Variants in CDC42SE2 observed in about 807,000 individuals in gnomAD.
CDC42SE2 encodes CDC42 small effector 2.
Under a neutral mutation model 11.5 loss-of-function variants are expected in CDC42SE2, and 3 were observed. The observed-to-expected ratio is 0.26, with a 90% CI of 0.12 to 0.67. The LOEUF is 0.67. CDC42SE2 is among the 30% of genes least tolerant of loss of function. CDC42SE2 has a pLI of 0.80. For synonymous variants in CDC42SE2, 33 were observed against 34.8 expected (o/e 0.95, Z 0.18); for missense variants, 82 against 106.8 (o/e 0.77, Z 1.02).
At chr5:131,354,289 CA>C (rs2149766061) in intron 2 of CDC42SE2, among the ~76,000 whole-genome samples, 2 of 152,152 alleles carry the variant, frequency 1.3e-5, no homozygotes, top group South Asian at 4.2e-4. Flanking sequence ...TATTATTTAA[CA>C]AATAATTATA....
the CDC42SE2 span, among the ~76,000 whole-genome samples, chr5:131,217,921 TCTC>T: frequency 6.6e-6 from 1 of 152,142 alleles, no homozygotes; most frequent in African/African-American, 2.4e-5. Flanking sequence ...ACACCTGTAA[TCTC>T]AGCACTTTGA....
At chr5:131,369,149 A>T (rs892235397) in intron 3 of CDC42SE2, among the ~76,000 whole-genome samples, 3 of 152,168 alleles carry the variant, frequency 2.0e-5, no homozygotes, top group Non-Finnish European at 4.4e-5. Flanking sequence ...AGTATAATTT[A>T]GTTTGCCTGT....
intron 2 of CDC42SE2, among the ~76,000 whole-genome samples, chr5:131,346,650 A>G (rs925620977): frequency 1.1e-4 from 16 of 152,242 alleles, no homozygotes; most frequent in South Asian, 4.1e-4. Flanking sequence ...GCACCAAGCC[A>G]ACCTAATAGA....
intron 1 of CDC42SE2, among the ~76,000 whole-genome samples, chr5:131,291,260 C>T (rs2149709252): frequency 6.6e-6 from 1 of 151,856 alleles, no homozygotes; most frequent in South Asian, 2.1e-4. Context: ...AGGACTTATT[C>T]AGAATGGTGG....
intron 1 of CDC42SE2, among the ~76,000 whole-genome samples, chr5:131,264,575 G>GT (rs1470291456): frequency 1.3e-5 from 2 of 152,188 alleles, no homozygotes; most frequent in African/African-American, 4.8e-5. Context: ...GGGTCTCTAG[G>GT]TGAGGGTTTC....
At chr5:131,216,759 G>T in the CDC42SE2 span, among the ~76,000 whole-genome samples, 1 of 152,172 alleles carries the variant, frequency 6.6e-6, no homozygotes, top group South Asian at 2.1e-4. Context: ...AATGACCTGG[G>T]TGTGGGGGAT....
chr5:131,369,968 A>G (rs562430427), intron 3 of CDC42SE2, among the ~76,000 whole-genome samples: 1 of 152,354 alleles, frequency 6.6e-6, no homozygotes, highest in South Asian at 2.1e-4. Context: ...TGTTTCTAGT[A>G]ACTCTTACAG....
At chr5:131,260,107 G>C (rs896451290), upstream of CDC42SE2, among the ~76,000 whole-genome samples, 1 of 152,156 alleles carries the variant, frequency 6.6e-6, no homozygotes, top group Admixed American at 6.5e-5. Context: ...GATTTTACTT[G>C]AGTTCTCTTA....
intron 2 of CDC42SE2, chr5:131,354,824 TAA>T: frequency 6.6e-6 from 1 of 151,694 alleles, no homozygotes; most frequent in East Asian, 1.9e-4. Flanking sequence ...GTCCAAAACG[TAA>T]AAAAAAATTT....
chr5:131,264,654 G>A (rs1185399176), intron 1 of CDC42SE2, among the ~76,000 whole-genome samples: 1 of 152,190 alleles, frequency 6.6e-6, no homozygotes, highest in African/African-American at 2.4e-5. Flanking sequence ...TTCAGTCCGC[G>A]GGTCCTGCCG....
At chr5:131,387,158 T>G (rs988420378) in intron 4 of CDC42SE2, among the ~76,000 whole-genome samples, 2 of 152,186 alleles carry the variant, frequency 1.3e-5, no homozygotes, top group African/African-American at 4.8e-5. Flanking sequence ...GTTACTATAA[T>G]AAAGAGAATG....
intron 1 of CDC42SE2, among the ~76,000 whole-genome samples, chr5:131,264,546 G>T (rs1224222312): frequency 6.6e-6 from 1 of 151,908 alleles, no homozygotes; most frequent in Non-Finnish European, 1.5e-5. Flanking sequence ...TGGTGCGAGG[G>T]GCGGGCGGGG....
At chr5:131,244,224 C>T (rs576125725), upstream of CDC42SE2, among the ~76,000 whole-genome samples, 10 of 152,120 alleles carry the variant, frequency 6.6e-5, no homozygotes, top group Non-Finnish European at 1.2e-4. Flanking sequence ...ACTACAAATA[C>T]GATTAGACAA....
chr5:131,294,821 G>A (rs536636971), intron 1 of CDC42SE2, among the ~76,000 whole-genome samples: 1 of 152,088 alleles, frequency 6.6e-6, no homozygotes, highest in South Asian at 2.1e-4. Flanking sequence ...GCAGAACTCC[G>A]TCTCTACTAA....
chr5:131,325,167 C>T (rs1002138260), intron 2 of CDC42SE2, among the ~76,000 whole-genome samples: 3 of 151,944 alleles, frequency 2.0e-5, no homozygotes, highest in Non-Finnish European at 4.4e-5. Context: ...AGGTATTTTG[C>T]TTTCTTTTGG....
chr5:131,224,788 A>G, the CDC42SE2 span, among the ~76,000 whole-genome samples: 4 of 151,936 alleles, frequency 2.6e-5, no homozygotes, highest in African/African-American at 9.7e-5. Context: ...AGCGTGCTGA[A>G]TGGCCACAGA....
In CDC42SE2 at chr5:131,332,662, A is replaced by G. The variant is rs557612872; in HGVS notation, c.-286+16518A>G. Among the ~76,000 whole-genome samples, 4 of 152,228 alleles carry G rather than the reference A, an allele frequency of 2.6e-5. No homozygotes were observed. The East Asian group carries it at 5.8e-4, about 22-fold the overall frequency. On this transcript the variant is annotated intron_variant, in intron 2 of 4. Coordinates refer to ENST00000505065, the MANE Select transcript of CDC42SE2 (RefSeq NM_001375635.1). ...CTGACTTTTTAATGATCACCATTCT[A>G]ACTGGTGTGAGATGGTATGTCATTG...
intron 3 of CDC42SE2, among the ~76,000 whole-genome samples, chr5:131,360,013 A>G (rs1427523857): frequency 6.6e-6 from 1 of 152,180 alleles, no homozygotes; most frequent in African/African-American, 2.4e-5. Flanking sequence ...CCAAAGTCAT[A>G]TAGCTTGTCA....
At chr5:131,241,931 G>A (rs189837124), upstream of CDC42SE2, among the ~76,000 whole-genome samples, 1 of 152,064 alleles carries the variant, frequency 6.6e-6, no homozygotes, top group East Asian at 1.9e-4. Context: ...TTACATATAT[G>A]CAAGATTGTA....
Sources: allele counts gnomAD v4.1 joint callset (sites outside exome capture counted in the v4.1 genomes callset), GRCh38; gene constraint gnomAD v4.1.1; transcripts MANE v1.5; gene names NCBI Gene and HGNC (gene_info 2026-07-23, HGNC 2026-07-21).